The following PIK3R1 variants were observed in gnomAD, a reference collection of about 807,000 sequenced individuals.
The protein encoded by PIK3R1 is phosphatidylinositol 3-kinase regulatory subunit alpha.
PIK3R1 carries 29 observed loss-of-function variants against 98.0 expected under a neutral mutation model. The ratio of observed to expected loss-of-function variants is 0.30; its 90% CI spans 0.22 to 0.40. PIK3R1 has a LOEUF of 0.40. PIK3R1 is among the 10% of genes least tolerant of loss of function. PIK3R1 has a pLI of 1.00. For missense variants in PIK3R1, 596 were observed against 872.7 expected, an observed-to-expected ratio of 0.68 and a Z score of 3.99; for synonymous variants, 282 against 311.8, an observed-to-expected ratio of 0.90 and a Z score of 1.01.
At position 68,274,530 on chromosome 5, in the gene PIK3R1, G is replaced by A. The variant is rs578137283; in HGVS notation, c.502+517G>A. 9.2e-5 allele frequency among the ~76,000 whole-genome samples: 14 copies of A among 151,806 alleles called. No homozygotes were observed. In the South Asian group the frequency reaches 1.5e-3, roughly 16 times the overall value. On this transcript the variant is annotated intron_variant, in intron 4 of 15. Transcript: ENST00000521381. ...TGTTGAGTGCATTAAGTAACATCAC[G>A]ATATTGTTATGTTCAGTGGTGTGCT...
intron 7 of PIK3R1, among the ~76,000 whole-genome samples, chr5:68,290,329 G>A (rs548427389): frequency 6.6e-6 from 1 of 152,326 alleles, no homozygotes; most frequent in African/African-American, 2.4e-5. Flanking sequence ...TGCACTAAGT[G>A]GGGAGAAAAG....
At position 68,262,675 on chromosome 5, in the gene PIK3R1, ACATGTATCTG is replaced by A. The variant is rs1561278268; in HGVS notation, c.335-10707_335-10698del. On this transcript the variant is annotated intron_variant, in intron 2 of 15. Coordinates refer to ENST00000521381, the MANE Select transcript of PIK3R1 (RefSeq NM_181523.3). ...TATCTGCATGTATACACATGTAGATACATGTATCTGCATGTATACACATGTAGATGCATGT... is the reference window on the plus strand; with the variant it reads ...TATCTGCATGTATACACATGTAGATACATGTATACACATGTAGATGCATGT... 3.3e-4 allele frequency among the ~76,000 whole-genome samples: 39 copies of A among 116,564 alleles called. 4 individuals carry two copies. The highest frequency in any genetic ancestry group is 1.3e-3 in the African/African-American group (38 of 28,686). 76.5% of individuals were successfully genotyped at this position (116,564 alleles called of 152,430 possible).
chr5:68,268,899 A>C (rs996754303), intron 2 of PIK3R1, among the ~76,000 whole-genome samples: 3 of 152,212 alleles, frequency 2.0e-5, no homozygotes, highest in Non-Finnish European at 4.4e-5. Context: ...AGGACTGTCG[A>C]GGCCTGTCCA....
Position 68,226,543 on chromosome 5 carries a change from T to A in PIK3R1, c.-133T>A, listed in dbSNP as rs751578451. 216 of 685,702 alleles carry A rather than the reference T, an allele frequency of 3.2e-4. No individual in the cohort carries two copies. Among genetic ancestry groups the A allele is most frequent in the Non-Finnish European group, 4.8e-4 (198 of 409,162 alleles). 42.5% of individuals were successfully genotyped at this position (685,702 alleles called of 1,614,324 possible). ...CCTCTCCTCTTAAACCTTTGGAGAG[T>A]GGTCCTTTGTCCTCTGCTGGACACA... On this transcript the variant is annotated 5_prime_UTR_variant, in exon 2 of 16. Coordinates refer to ENST00000521381, the MANE Select transcript of PIK3R1 (RefSeq NM_181523.3).
intron 11 of PIK3R1, among the ~76,000 whole-genome samples, chr5:68,294,220 C>T (rs1378145029): frequency 1.3e-5 from 2 of 152,206 alleles, no homozygotes; most frequent in Non-Finnish European, 2.9e-5. Flanking sequence ...TACTGCTGTG[C>T]TTTTCTAGAC....
At chr5:68,274,479 T>C (rs1425438062) in intron 4 of PIK3R1, among the ~76,000 whole-genome samples, 1 of 152,238 alleles carries the variant, frequency 6.6e-6, no homozygotes, top group African/African-American at 2.4e-5. Flanking sequence ...TCCCTTTCTT[T>C]CTGGCTTGCC....
At chr5:68,295,350 A>G (rs765785035) in intron 13 of PIK3R1, 26 bp downstream of exon 13, 1 of 1,612,954 alleles carries the variant, frequency 6.2e-7, no homozygotes, top group Admixed American at 1.7e-5. Context: ...GGAATCCTAT[A>G]CATGAATAAT....
intron 2 of PIK3R1, among the ~76,000 whole-genome samples, chr5:68,233,700 A>G (rs1053343389): frequency 1.3e-4 from 20 of 152,394 alleles, no homozygotes; most frequent in Middle Eastern, 3.4e-3. Context: ...AAAACAAAAC[A>G]TGGTATACAT....
chr5:68,249,067 A>G (rs115173500), intron 2 of PIK3R1, among the ~76,000 whole-genome samples: 66 of 152,352 alleles, frequency 4.3e-4, no homozygotes, highest in African/African-American at 1.3e-3. Context: ...TTAAGACATG[A>G]GCATTTTATG....
intron 1 of PIK3R1, among the ~76,000 whole-genome samples, chr5:68,223,943 C>T (rs1744184764): frequency 6.6e-6 from 1 of 152,322 alleles, no homozygotes; most frequent in African/African-American, 2.4e-5. Flanking sequence ...CATTATACTT[C>T]CCATTCTATT....
In PIK3R1 at chr5:68,295,438, T is replaced by C. The variant is rs1747659560; in HGVS notation, c.1764T>C (p.Gly588=). 2 of 1,614,176 alleles carry C rather than the reference T, an allele frequency of 1.2e-6. No homozygotes were observed. Among genetic ancestry groups the C allele is most frequent in the Non-Finnish European group, 1.7e-6 (2 of 1,180,014 alleles). Residue 588 remains glycine (G), a synonymous_variant, in exon 14 of 16, where the codon GGT becomes GGC. Coordinates refer to ENST00000521381, the MANE Select transcript of PIK3R1 (RefSeq NM_181523.3). ...TTTTCAGGTGGTTGACTCAAAAAGGTGTTCGGCAAAAGAAGTTGAACGAGT... is the reference window on the plus strand; with the variant it reads ...TTTTCAGGTGGTTGACTCAAAAAGGCGTTCGGCAAAAGAAGTTGAACGAGT... ...DQYLMWLTQK[G]VRQKKLNEWL... is the part of the protein sequence containing the mutation.
At chr5:68,249,179 G>A (rs940428596) in intron 2 of PIK3R1, among the ~76,000 whole-genome samples, 1 of 151,954 alleles carries the variant, frequency 6.6e-6, no homozygotes, top group Admixed American at 6.5e-5. Context: ...TTCTATTTTT[G>A]TCTCTTCCTT....
chr5:68,280,682 A>G lies in PIK3R1; in HGVS notation c.789A>G (p.Val263=). 2.5e-6 allele frequency: 4 copies of G among 1,614,076 alleles called. No homozygotes were observed. Among genetic ancestry groups the G allele is most frequent in the South Asian group, 1.1e-5 (1 of 91,080 alleles). ...GCAAAAATCTGTTGAATGCAAGAGTACTCTCTGAAATTTTCAGCCCTATGC... is the reference window on the plus strand; with the variant it reads ...GCAAAAATCTGTTGAATGCAAGAGTGCTCTCTGAAATTTTCAGCCCTATGC... The part of the protein sequence containing the change: ...TSSKNLLNAR[V]LSEIFSPMLF... Residue 263 remains valine (V), a synonymous_variant, in exon 6 of 16, where the codon GTA becomes GTG. Coordinates refer to ENST00000521381, the MANE Select transcript of PIK3R1 (RefSeq NM_181523.3).
intron 1 of PIK3R1, among the ~76,000 whole-genome samples, chr5:68,218,198 T>C (rs1489669803): frequency 6.6e-6 from 1 of 152,208 alleles, no homozygotes; most frequent in Non-Finnish European, 1.5e-5. Context: ...TAGGAATACA[T>C]ATTTTGATTA....
At chr5:68,221,009 G>A (rs898402949) in intron 1 of PIK3R1, among the ~76,000 whole-genome samples, 1 of 152,202 alleles carries the variant, frequency 6.6e-6, no homozygotes, top group African/African-American at 2.4e-5. Context: ...GTGCTCTCTT[G>A]AATGGATTAA....
rs561683350 is a variant in PIK3R1 at position 68,301,723 on chromosome 5, G to A, written c.*4122G>A. 2.9e-4 allele frequency: 49 copies of A among 168,394 alleles called. No homozygotes were observed. Among genetic ancestry groups the A allele is most frequent in the South Asian group, 2.1e-4 (1 of 4,848 alleles). The allele number at this position is 168,394 out of a possible 1,614,324, so 10.4% of individuals were successfully genotyped here. ...GGGTAGTGTGCCTCCTTGACATTTC[G>A]TTCAAGTTATAGATTCAATGGAGCT... On this transcript the variant is annotated 3_prime_UTR_variant, in exon 16 of 16. Transcript: ENST00000521381.
intron 1 of PIK3R1, among the ~76,000 whole-genome samples, chr5:68,221,199 T>C (rs924970575): frequency 5.3e-5 from 8 of 152,252 alleles, no homozygotes; most frequent in Non-Finnish European, 1.2e-4. Context: ...CTGTTGTTTA[T>C]AAATTACCCA....
Position 68,267,382 on chromosome 5 carries a change from T to G in PIK3R1, c.335-6008T>G, listed in dbSNP as rs183021417. On this transcript the variant is annotated intron_variant, in intron 2 of 15. Coordinates refer to ENST00000521381, the MANE Select transcript of PIK3R1 (RefSeq NM_181523.3). ...GTCTGTTGTCTAGAAATAAAACGAA[T>G]GGACAGAGGATCTCAATTCCCTTTC... Among the ~76,000 whole-genome samples, 369 of 152,312 alleles carry G rather than the reference T, an allele frequency of 2.4e-3. 1 individual carries two copies. Among genetic ancestry groups the G allele is most frequent in the African/African-American group, 8.5e-3 (355 of 41,564 alleles).
At chr5:68,256,231 A>G (rs1274160182) in intron 2 of PIK3R1, among the ~76,000 whole-genome samples, 1 of 152,012 alleles carries the variant, frequency 6.6e-6, no homozygotes, top group Admixed American at 6.5e-5. Flanking sequence ...GTAATTTTTT[A>G]TTTATTTATT....
Sources: allele counts gnomAD v4.1 joint callset (sites outside exome capture counted in the v4.1 genomes callset), GRCh38; gene constraint gnomAD v4.1.1; transcripts MANE v1.5; gene names NCBI Gene and HGNC (gene_info 2026-07-23, HGNC 2026-07-21).